The following CNTNAP2 variants were observed in gnomAD, a reference collection of about 807,000 sequenced individuals.
The protein encoded by CNTNAP2 is contactin associated protein 2.
Under a neutral mutation model 155.2 loss-of-function variants are expected in CNTNAP2, and 98 were observed. The observed-to-expected ratio is 0.63, with a 90% CI of 0.54 to 0.75. CNTNAP2 has a LOEUF of 0.75. Among genes scored for constraint, CNTNAP2 ranks in the 30% least tolerant of loss-of-function variants. The pLI is 0.00. For synonymous variants in CNTNAP2, 651 were observed against 631.2 expected (o/e 1.03, Z -0.47); for missense variants, 1,727 against 1,688.1 (o/e 1.02, Z -0.40).
chr7:147,513,794 A>G (rs1371522511), intron 11 of CNTNAP2, among the ~76,000 whole-genome samples: 1 of 152,236 alleles, frequency 6.6e-6, no homozygotes, highest in Non-Finnish European at 1.5e-5. Flanking sequence ...GTGTATTCCC[A>G]TTAAAATGGA....
intron 14 of CNTNAP2, among the ~76,000 whole-genome samples, chr7:147,959,015 AT>A (rs1478658427): frequency 6.6e-6 from 1 of 152,198 alleles, no homozygotes; most frequent in Non-Finnish European, 1.5e-5. Flanking sequence ...TCCACTTTTT[AT>A]TAAACTGTGA....
chr7:146,955,920 T>A (rs1050451204), intron 3 of CNTNAP2, among the ~76,000 whole-genome samples: 1 of 152,086 alleles, frequency 6.6e-6, no homozygotes, highest in African/African-American at 2.4e-5. Context: ...CACTAGTCAG[T>A]AGGTTGATAA....
intron 8 of CNTNAP2, among the ~76,000 whole-genome samples, chr7:147,187,292 A>C (rs1480067647): frequency 6.6e-6 from 1 of 152,172 alleles, no homozygotes; most frequent in Admixed American, 6.5e-5. Context: ...AGAGGCTCCC[A>C]AGCTCCTGCC....
In CNTNAP2 at chr7:147,933,305, T is replaced by A. The variant is rs984232286; in HGVS notation, c.2255+29584T>A. Among the ~76,000 whole-genome samples, 7 of 152,138 alleles carry A rather than the reference T, an allele frequency of 4.6e-5. No homozygotes were observed. In the South Asian group the frequency reaches 6.2e-4, roughly 13 times the overall value. ...AAAGTAGAGTTGCCATATGATTTAA[T>A]AAGTCCACTTCTGGCCATTTACTCC... On this transcript the variant is annotated intron_variant, in intron 14 of 23. Coordinates refer to ENST00000361727, the MANE Select transcript of CNTNAP2 (RefSeq NM_014141.6).
At chr7:147,897,265 G>A (rs1372583114) in intron 13 of CNTNAP2, among the ~76,000 whole-genome samples, 1 of 152,156 alleles carries the variant, frequency 6.6e-6, no homozygotes, top group Non-Finnish European at 1.5e-5. Context: ...ATGAAACACA[G>A]TGTTAGGTTG....
chr7:147,973,160 T>TAAAAAAAAAAAAAAGAAA (rs1801364451), intron 14 of CNTNAP2, among the ~76,000 whole-genome samples: 1 of 120,856 alleles, frequency 8.3e-6, no homozygotes, highest in African/African-American at 3.5e-5. Context: ...TCTCTAAAAT[T>TAAAAAAAAAAAAAAGAAA]AAAAAAAAAA....
At chr7:147,201,902 A>G (rs1802929442) in intron 8 of CNTNAP2, among the ~76,000 whole-genome samples, 1 of 152,202 alleles carries the variant, frequency 6.6e-6, no homozygotes, top group African/African-American at 2.4e-5. Context: ...AAACTAATAC[A>G]ATATTTTTCC....
At chr7:146,964,962 A>AAAAAC (rs202107071) in intron 3 of CNTNAP2, among the ~76,000 whole-genome samples, 19 of 152,274 alleles carry the variant, frequency 1.2e-4, no homozygotes, top group Admixed American at 1.1e-3. Flanking sequence ...AATTTATAAA[A>AAAAAC]AAAACAAAAC....
intron 13 of CNTNAP2, among the ~76,000 whole-genome samples, chr7:147,775,731 A>G (rs576180474): frequency 1.8e-4 from 28 of 152,042 alleles, no homozygotes; most frequent in Non-Finnish European, 4.0e-4. Flanking sequence ...TGCAAATCAC[A>G]GAGATCTCAG....
rs563922543 is a variant in CNTNAP2 at position 146,594,024 on chromosome 7, C to T, written c.98-180247C>T. ...ATGTGAAGGGAATGATATCTGATGA[C>T]CCTGGCCTGTCTTCAGCAAGAATCC... On this transcript the variant is annotated intron_variant, in intron 1 of 23. Coordinates refer to ENST00000361727, the MANE Select transcript of CNTNAP2 (RefSeq NM_014141.6). 9.9e-5 allele frequency among the ~76,000 whole-genome samples: 15 copies of T among 152,248 alleles called. No homozygotes were observed. In the South Asian group the frequency reaches 3.1e-3, roughly 32 times the overall value.
chr7:147,441,813 T>TC (rs1797639871), intron 10 of CNTNAP2, among the ~76,000 whole-genome samples: 10 of 102,166 alleles, frequency 9.8e-5, no homozygotes, highest in South Asian at 4.6e-4. Context: ...TGTAGTCTCT[T>TC]TCTCTCTCTC....
intron 3 of CNTNAP2, among the ~76,000 whole-genome samples, chr7:146,840,422 A>G (rs1268963840): frequency 6.6e-6 from 1 of 152,214 alleles, no homozygotes; most frequent in Non-Finnish European, 1.5e-5. Flanking sequence ...TTTGTTCTTA[A>G]AATGTCTCTA....
At chr7:146,936,160 G>A (rs1287429282) in intron 3 of CNTNAP2, among the ~76,000 whole-genome samples, 1 of 152,154 alleles carries the variant, frequency 6.6e-6, no homozygotes, top group East Asian at 1.9e-4. Context: ...TCACCTAAAT[G>A]AGAACCTGAC....
At chr7:147,682,756 G>T (rs569650710) in intron 13 of CNTNAP2, among the ~76,000 whole-genome samples, 1 of 151,858 alleles carries the variant, frequency 6.6e-6, no homozygotes, top group African/African-American at 2.4e-5. Flanking sequence ...AAAGATATTC[G>T]TATTTCTTAC....
chr7:148,055,009 A>G (rs1229001788), intron 15 of CNTNAP2, among the ~76,000 whole-genome samples: 2 of 151,752 alleles, frequency 1.3e-5, no homozygotes, highest in Non-Finnish European at 2.9e-5. Flanking sequence ...CAGCCTCCCA[A>G]GTAGCTGGGA....
chr7:147,771,304 C>A (rs541266590), intron 13 of CNTNAP2, among the ~76,000 whole-genome samples: 1 of 152,084 alleles, frequency 6.6e-6, no homozygotes, highest in Non-Finnish European at 1.5e-5. Context: ...CTTTTACACA[C>A]AAAAAAGCAC....
chr7:147,308,301 T>C (rs1584861715), intron 9 of CNTNAP2, among the ~76,000 whole-genome samples: 1 of 152,112 alleles, frequency 6.6e-6, no homozygotes, highest in African/African-American at 2.4e-5. Flanking sequence ...ACTGAGAAGG[T>C]TGGACCGAGT....
chr7:147,441,978 T>C (rs778786124), intron 10 of CNTNAP2, among the ~76,000 whole-genome samples: 4 of 151,274 alleles, frequency 2.6e-5, no homozygotes, highest in Non-Finnish European at 5.9e-5. Context: ...AGCACAGCAC[T>C]GGGTCCTACG....
At chr7:146,478,953 C>T (rs1346850083) in intron 1 of CNTNAP2, among the ~76,000 whole-genome samples, 1 of 152,126 alleles carries the variant, frequency 6.6e-6, no homozygotes, top group South Asian at 2.1e-4. Flanking sequence ...TGAAGGTGAA[C>T]TCCTTCCTTT....
Sources: allele counts gnomAD v4.1 joint callset (sites outside exome capture counted in the v4.1 genomes callset), GRCh38; gene constraint gnomAD v4.1.1; transcripts MANE v1.5; gene names NCBI Gene and HGNC (gene_info 2026-07-23, HGNC 2026-07-21).